The following CDH6 variants were observed in gnomAD, a reference collection of about 807,000 sequenced individuals.
CDH6 encodes cadherin-6.
CDH6 carries 31 observed loss-of-function variants against 78.0 expected under a neutral mutation model. The ratio of observed to expected loss-of-function variants is 0.40; its 90% CI spans 0.30 to 0.54. The LOEUF (loss-of-function observed/expected upper bound fraction) is 0.54. CDH6 is among the 20% of genes least tolerant of loss of function. The pLI is 0.56. For synonymous variants in CDH6, 376 were observed against 368.8 expected, an observed-to-expected ratio of 1.02 and a Z score of -0.23; for missense variants, 724 against 975.9, an observed-to-expected ratio of 0.74 and a Z score of 3.44.
At chr5:31,276,323 A>T (rs1011386326) in intron 2 of CDH6, among the ~76,000 whole-genome samples, 2 of 152,344 alleles carry the variant, frequency 1.3e-5, no homozygotes, top group African/African-American at 4.8e-5. Flanking sequence ...GACCTGGAAT[A>T]AGAAGCAAAG....
Position 31,325,337 on chromosome 5 carries a change from C to G in CDH6, c.*2029C>G, listed in dbSNP as rs111909761. 6.0e-3 allele frequency: 1,378 copies of G among 230,306 alleles called. 23 individuals carry two copies. The highest frequency in any genetic ancestry group is 0.047 in the East Asian group (775 of 16,380). 14.3% of individuals were successfully genotyped at this position (230,306 alleles called of 1,614,324 possible). The stretch of plus-strand genomic sequence containing the variant: ...ACACACACATACACACACACACACA[C>G]ACACACACACACACACACGAATGCA... On this transcript the variant is annotated 3_prime_UTR_variant, in exon 12 of 12. Transcript: ENST00000265071.
chr5:31,246,467 C>T (rs1337463974), intron 1 of CDH6, among the ~76,000 whole-genome samples: 1 of 152,100 alleles, frequency 6.6e-6, no homozygotes, highest in African/African-American at 2.4e-5. Flanking sequence ...GAGGAAGCTC[C>T]ACCTATCATC....
chr5:31,246,384 G>A (rs955105168), intron 1 of CDH6, among the ~76,000 whole-genome samples: 3 of 152,154 alleles, frequency 2.0e-5, no homozygotes, highest in Non-Finnish European at 4.4e-5. Flanking sequence ...AAATTAAAAT[G>A]TCAAGGATAA....
chr5:31,225,869 G>A (rs1473974343), intron 1 of CDH6, among the ~76,000 whole-genome samples: 1 of 152,166 alleles, frequency 6.6e-6, no homozygotes, highest in African/African-American at 2.4e-5. Context: ...TGTGGATAAG[G>A]AATCTGAATA....
At chr5:31,273,837 G>A (rs932272450) in intron 2 of CDH6, among the ~76,000 whole-genome samples, 5 of 152,158 alleles carry the variant, frequency 3.3e-5, no homozygotes, top group Admixed American at 6.5e-5. Context: ...ACACATTAGT[G>A]GTATTCAAAA....
chr5:31,199,044 T>C (rs1282035958), intron 1 of CDH6, among the ~76,000 whole-genome samples: 1 of 152,020 alleles, frequency 6.6e-6, no homozygotes, highest in Non-Finnish European at 1.5e-5. Flanking sequence ...TCCTGCATGC[T>C]AAATAGAAAA....
At chr5:31,306,592 C>T (rs1485544233) in intron 7 of CDH6, among the ~76,000 whole-genome samples, 5 of 152,112 alleles carry the variant, frequency 3.3e-5, no homozygotes, top group Admixed American at 3.3e-4. Flanking sequence ...ACCAGAATAG[C>T]ATTGTGTCAA....
At chr5:31,297,212 T>C (rs897067724) in intron 3 of CDH6, 77 bp from the exon 4 acceptor site, 9 of 1,240,598 alleles carry the variant, frequency 7.3e-6, no homozygotes, top group Non-Finnish European at 1.1e-5. Flanking sequence ...AAAATTAAGA[T>C]CGTGCTGGTT....
intron 3 of CDH6, among the ~76,000 whole-genome samples, chr5:31,296,551 G>A (rs1737606642): frequency 2.0e-5 from 3 of 152,080 alleles, no homozygotes; most frequent in Non-Finnish European, 1.5e-5. Context: ...GATTCTTTAT[G>A]TAATCCATAA....
chr5:31,222,299 T>A (rs1418863073), intron 1 of CDH6, among the ~76,000 whole-genome samples: 1 of 152,188 alleles, frequency 6.6e-6, no homozygotes, highest in East Asian at 1.9e-4. Context: ...AAGAATGTAA[T>A]CCTGCCACCT....
chr5:31,290,992 GA>G (rs1486144507), intron 2 of CDH6, among the ~76,000 whole-genome samples: 54 of 152,194 alleles, frequency 3.5e-4, no homozygotes, highest in African/African-American at 1.3e-3. Flanking sequence ...ATAAGTCATC[GA>G]AATGGTCTCA....
chr5:31,295,667 G>A (rs1244739419), intron 3 of CDH6, among the ~76,000 whole-genome samples: 1 of 152,104 alleles, frequency 6.6e-6, no homozygotes, highest in Non-Finnish European at 1.5e-5. Context: ...ACAACAGCAT[G>A]GGAGCAAAAA....
intron 7 of CDH6, among the ~76,000 whole-genome samples, chr5:31,311,059 A>T (rs1158301436): frequency 6.6e-6 from 1 of 152,132 alleles, no homozygotes; most frequent in East Asian, 1.9e-4. Context: ...CAGAAAATGG[A>T]TCTTTCTTTT....
intron 7 of CDH6, among the ~76,000 whole-genome samples, chr5:31,310,077 AAAGTCC>A (rs1738104617): frequency 1.3e-5 from 2 of 152,336 alleles, no homozygotes; most frequent in Admixed American, 1.3e-4. Flanking sequence ...CATTAACTCA[AAAGTCC>A]AAGTCCAAAG....
chr5:31,274,745 G>C (rs553648884), intron 2 of CDH6, among the ~76,000 whole-genome samples: 87 of 152,330 alleles, frequency 5.7e-4, no homozygotes, highest in African/African-American at 2.0e-3. Context: ...ACTTGAACCT[G>C]GGAGGCAAAG....
At chr5:31,210,908 A>G (rs1050637705) in intron 1 of CDH6, among the ~76,000 whole-genome samples, 2 of 152,226 alleles carry the variant, frequency 1.3e-5, no homozygotes, top group Admixed American at 6.5e-5. Flanking sequence ...TGTATAAGCA[A>G]AGGATTCAAT....
At chr5:31,278,674 G>C (rs1742769363) in intron 2 of CDH6, among the ~76,000 whole-genome samples, 1 of 152,130 alleles carries the variant, frequency 6.6e-6, no homozygotes, top group African/African-American at 2.4e-5. Flanking sequence ...AAAAATATCA[G>C]CTATAGAGAG....
intron 1 of CDH6, among the ~76,000 whole-genome samples, chr5:31,206,926 A>G (rs1025066814): frequency 6.6e-6 from 1 of 151,792 alleles, no homozygotes; most frequent in Non-Finnish European, 1.5e-5. Flanking sequence ...TATATTTTTG[A>G]CGATATGCCT....
intron 1 of CDH6, among the ~76,000 whole-genome samples, chr5:31,212,772 AC>A (rs1175248870): frequency 6.6e-6 from 1 of 152,058 alleles, no homozygotes; most frequent in Non-Finnish European, 1.5e-5. Context: ...GCACACACAC[AC>A]ACACACACAC....
Sources: allele counts gnomAD v4.1 joint callset (sites outside exome capture counted in the v4.1 genomes callset), GRCh38; gene constraint gnomAD v4.1.1; transcripts MANE v1.5; gene names NCBI Gene and HGNC (gene_info 2026-07-23, HGNC 2026-07-21).